SLC29A1: variants seen among roughly 807,000 people sequenced by gnomAD.
SLC29A1 encodes the protein solute carrier family 29 member 1 (Augustine blood group).
SLC29A1 carries 22 observed loss-of-function variants against 48.3 expected under a neutral mutation model. The ratio of observed to expected loss-of-function variants is 0.46; its 90% CI spans 0.33 to 0.65. The LOEUF is 0.65. SLC29A1 is among the 30% of genes least tolerant of loss of function. The probability of loss-of-function intolerance (pLI) is 0.03; values close to 1 mark genes in which losing one functional copy is unlikely to be tolerated. For synonymous variants in SLC29A1, 228 were observed against 231.0 expected (o/e 0.99, Z 0.12); for missense variants, 491 against 575.3 (o/e 0.85, Z 1.50).
upstream of SLC29A1, chr6:44,221,523 G>C (rs1776416917): frequency 1.1e-6 from 1 of 869,976 alleles, no homozygotes; most frequent in African/African-American, 1.7e-5. This position sits in a 1 kb window ranked among gnomAD's most constrained non-coding sequence, Gnocchi z 4.2. Flanking sequence ...ATATAGGGTG[G>C]TGAATAAGGT....
chr6:44,229,987 T>C lies in SLC29A1; in HGVS notation c.395T>C (p.Val132Ala). 6.2e-7 allele frequency: 1 copy of C among 1,612,390 alleles called. No individual in the cohort carries two copies. The highest frequency in any genetic ancestry group is 2.2e-5 in the East Asian group (1 of 44,868). ...CTGATCACTGCCATCCTGGTGAAGG[T>C]GCAGCTGGATGCTCTGCCCTTCTTT... ...VFLITAILVK[V>A]QLDALPFFVI... The change falls in exon 5 of 13, where the codon GTG (valine) becomes GCG (alanine). Residue 132 changes from valine to alanine, a missense_variant. Physicochemically the swap from Val to Ala is moderately conservative, Grantham distance 64. Transcript: ENST00000371755. This position sits in a 1 kb window ranked among gnomAD's most constrained non-coding sequence, Gnocchi z 5.1.
upstream of SLC29A1, chr6:44,223,449 C>G: frequency 1.4e-6 from 1 of 730,074 alleles, no homozygotes; most frequent in Non-Finnish European, 1.6e-6. The surrounding 1 kb of genome is among the most constrained non-coding windows in gnomAD (Gnocchi z 5.0). Flanking sequence ...GGGGTGGGAG[C>G]GGCGGAGCGC....
At chr6:44,223,460 GCGGAGT>G (rs914165484), upstream of SLC29A1, 8 of 864,116 alleles carry the variant, frequency 9.3e-6, no homozygotes, top group African/African-American at 1.5e-4. This position sits in a 1 kb window ranked among gnomAD's most constrained non-coding sequence, Gnocchi z 5.0. Context: ...GGCGGAGCGC[GCGGAGT>G]CGCCGCGGGG....
Position 44,232,908 on chromosome 6 carries a change from T to C in SLC29A1, c.1161T>C (p.Thr387=). 6.2e-7 allele frequency: 1 copy of C among 1,614,204 alleles called. No homozygotes were observed. The highest frequency in any genetic ancestry group is 8.5e-7 in the Non-Finnish European group (1 of 1,180,036). ...LCNIKPRRYL[T]VVFEHDAWFI... is the part of the protein sequence containing the mutation. ...ACATTAAGCCCCGCCGCTACCTGAC[T>C]GTGGTCTTCGAGCACGATGCCTGGT... Residue 387 remains threonine, a synonymous_variant, in exon 12 of 13, where the codon ACT becomes ACC. Transcript: ENST00000371755. The surrounding 1 kb of genome is among the most constrained non-coding windows in gnomAD (Gnocchi z 4.7).
At chr6:44,227,122 TGA>T in intron 1 of SLC29A1, 139 bp from the exon 2 acceptor site, 1 of 1,407,274 alleles carries the variant, frequency 7.1e-7, no homozygotes, top group Non-Finnish European at 9.4e-7. Flanking sequence ...TGAGTCGTCC[TGA>T]GGGGCAGGGT....
chr6:44,226,076 G>A, intron 1 of SLC29A1: 5 of 984,732 alleles, frequency 5.1e-6, no homozygotes, highest in Middle Eastern at 5.2e-4. Context: ...CGTGGACAAG[G>A]CCCACTGCCT....
intron 1 of SLC29A1, among the ~76,000 whole-genome samples, chr6:44,226,364 G>T (rs1471402374): frequency 6.6e-6 from 1 of 152,182 alleles, no homozygotes; most frequent in Admixed American, 6.5e-5. Context: ...GGAGAGGGAC[G>T]CTGAGGCAGA....
intron 1 of SLC29A1, chr6:44,226,847 T>C: frequency 9.8e-7 from 1 of 1,021,470 alleles, no homozygotes; most frequent in Non-Finnish European, 1.2e-6. Context: ...TCCATTTGTC[T>C]CCCTCCTTCC....
Position 44,233,478 on chromosome 6 carries a change from G to A in SLC29A1, c.1321G>A (p.Gly441Ser). The A allele has an allele frequency of 6.2e-7, 1 of 1,614,124 alleles. No homozygotes were observed. Among genetic ancestry groups the A allele is most frequent in the South Asian group, 1.1e-5 (1 of 91,082 alleles). The change falls in exon 13 of 13, where the codon GGT becomes AGT. Residue 441 changes from glycine to serine, a missense_variant. By Grantham distance (56) the Gly-to-Ser change is moderately conservative. Transcript: ENST00000371755. ...GAIMAFFLCL[G>S]LALGAVFSFL... ...CATCATGGCCTTCTTCCTGTGTCTG[G>A]GTCTGGCACTGGGGGCTGTTTTCTC...
chr6:44,232,689 A>G lies in SLC29A1; in HGVS notation c.1060-118A>G. 1.1e-6 allele frequency: 1 copy of G among 930,592 alleles called. No homozygotes were observed. The highest frequency in any genetic ancestry group is 1.7e-6 in the Non-Finnish European group (1 of 600,116). 57.6% of individuals were successfully genotyped at this position (930,592 alleles called of 1,614,324 possible). ...TGCCCCTTTCAAGAGTAACCCCCTAAGGAGAACCAGGCTTTGAGGTTTCAG... is the reference window on the plus strand; with the variant it reads ...TGCCCCTTTCAAGAGTAACCCCCTAGGGAGAACCAGGCTTTGAGGTTTCAG... On this transcript the variant is annotated intron_variant, in intron 11 of 12. Coordinates refer to ENST00000371755, the MANE Select transcript of SLC29A1 (RefSeq NM_001372327.1). This position sits in a 1 kb window ranked among gnomAD's most constrained non-coding sequence, Gnocchi z 4.7.
chr6:44,232,169 G>A lies in SLC29A1; in HGVS notation c.973+63G>A. 1.5e-6 allele frequency: 2 copies of A among 1,366,072 alleles called. No homozygotes were observed. The highest frequency in any genetic ancestry group is 2.3e-5 in the East Asian group (1 of 43,626). The allele number at this position is 1,366,072 out of a possible 1,614,324, so 84.6% of individuals were successfully genotyped here. A position where few individuals can be genotyped will look rare whatever the true frequency, so the allele number is the denominator to read the frequency against. On this transcript the variant is annotated intron_variant, in intron 10 of 12. Coordinates refer to ENST00000371755, the MANE Select transcript of SLC29A1 (RefSeq NM_001372327.1). This position sits in a 1 kb window ranked among gnomAD's most constrained non-coding sequence, Gnocchi z 4.7. Reference sequence around the variant, plus strand: ...GGATCTTGAGTTGGGCTGGAAGTGGGGAAGGGAGGGAGCCTGGGTCACCTT... The same window carrying A: ...GGATCTTGAGTTGGGCTGGAAGTGGAGAAGGGAGGGAGCCTGGGTCACCTT...
At chr6:44,225,004 G>A (rs1025062639) in intron 1 of SLC29A1, among the ~76,000 whole-genome samples, 3 of 152,180 alleles carry the variant, frequency 2.0e-5, no homozygotes, top group African/African-American at 7.2e-5. Flanking sequence ...GTGTAGCAGG[G>A]GGCCAGGGAA....
At position 44,227,432 on chromosome 6, in the gene SLC29A1, C is replaced by A. The variant is rs1483644416; in HGVS notation, c.29+90C>A. On this transcript the variant is annotated intron_variant, in intron 2 of 12. Transcript: ENST00000371755. ...CCTTTGGAATTGGGGGTTGCCATTG[C>A]TGGCTGGCCTTCCAGCCAGGTAGCT... is the stretch of plus-strand genomic sequence containing the variant. 3 of 1,171,684 alleles carry A rather than the reference C, an allele frequency of 2.6e-6. No homozygotes were observed. In the African/African-American group the frequency reaches 4.6e-5, roughly 18 times the overall value. The allele number at this position is 1,171,684 out of a possible 1,614,324, so 72.6% of individuals were successfully genotyped here.
chr6:44,231,375 A>G lies in SLC29A1; in HGVS notation c.778A>G (p.Arg260Gly). ...LDLISKGEEPRAGKEESGVSV... is the reference protein window; with the variant it reads ...LDLISKGEEPGAGKEESGVSV... ...CTTCCATCCCGCAGGAGAGGAGCCA[A>G]GAGCAGGCAAAGAGGAATCTGGAGT... Residue 260 changes from arginine (R) to glycine (G), a missense_variant, in exon 9 of 13, where the codon AGA (arginine) becomes GGA (glycine). Arg to Gly is a moderately radical substitution (Grantham distance 125). Transcript: ENST00000371755. 1 of 1,597,946 alleles carries G rather than the reference A, an allele frequency of 6.3e-7. No homozygotes were observed. The highest frequency in any genetic ancestry group is 8.6e-7 in the Non-Finnish European group (1 of 1,169,210).
intron 1 of SLC29A1, chr6:44,226,070 G>A (rs1582936710): frequency 1.0e-6 from 1 of 984,178 alleles, no homozygotes; most frequent in East Asian, 1.1e-4. Flanking sequence ...GGAGCCCGTG[G>A]ACAAGGCCCA....
At position 44,223,670 on chromosome 6, in the gene SLC29A1, T is replaced by C; in HGVS notation, c.-52+29T>C. 1 of 1,167,326 alleles carries C rather than the reference T, an allele frequency of 8.6e-7. No homozygotes were observed. The highest frequency in any genetic ancestry group is 1.5e-5 in the South Asian group (1 of 65,354). The allele number at this position is 1,167,326 out of a possible 1,614,324, so 72.3% of individuals were successfully genotyped here. On this transcript the variant is annotated intron_variant, in intron 1 of 12. Coordinates refer to ENST00000371755, the MANE Select transcript of SLC29A1 (RefSeq NM_001372327.1). The surrounding 1 kb of genome is among the most constrained non-coding windows in gnomAD (Gnocchi z 5.0). Reference sequence around the variant, plus strand: ...CTGCCCGGGGCCGGGGACTGGGGACTGGGGACTGCCGGGGCGGAAGACGCC... The same window carrying C: ...CTGCCCGGGGCCGGGGACTGGGGACCGGGGACTGCCGGGGCGGAAGACGCC...
At position 44,229,555 on chromosome 6, in the gene SLC29A1, G is replaced by A. The variant is rs139208937; in HGVS notation, c.112-34G>A. On this transcript the variant is annotated intron_variant, in intron 3 of 12. Transcript: ENST00000371755. This position sits in a 1 kb window ranked among gnomAD's most constrained non-coding sequence, Gnocchi z 5.1. ...CTCTGTGCTGGTAGGCACAGGGAAA[G>A]AGATTTCAACACTCCTCTCTGCAAC... 8 of 1,612,894 alleles carry A rather than the reference G, an allele frequency of 5.0e-6. No homozygotes were observed. The South Asian group carries it at 7.7e-5, about 15-fold the overall frequency.
intron 1 of SLC29A1, among the ~76,000 whole-genome samples, chr6:44,225,165 G>A (rs776810076): frequency 2.0e-5 from 3 of 152,084 alleles, no homozygotes; most frequent in Non-Finnish European, 4.4e-5. Flanking sequence ...GGGTATGCGG[G>A]TATGAAGTAA....
chr6:44,228,556 C>A (rs1778100661), intron 2 of SLC29A1, among the ~76,000 whole-genome samples: 1 of 152,230 alleles, frequency 6.6e-6, no homozygotes, highest in African/African-American at 2.4e-5. Flanking sequence ...TTTATCCCTG[C>A]CATCTCTGAA....
Sources: allele counts gnomAD v4.1 joint callset (sites outside exome capture counted in the v4.1 genomes callset), GRCh38; gene constraint gnomAD v4.1.1; non-coding constraint Gnocchi (gnomAD v3.1); transcripts MANE v1.5; gene names NCBI Gene and HGNC (gene_info 2026-07-23, HGNC 2026-07-21).